AGT: variants seen among roughly 807,000 people sequenced by gnomAD.
AGT encodes the protein alpha-1 antiproteinase, antitrypsin.
Under a neutral mutation model 28.1 loss-of-function variants are expected in AGT, and 26 were observed. The observed-to-expected ratio is 0.92, with a 90% CI of 0.68 to 1.28. The LOEUF is 1.28. AGT is among the 50% of genes most tolerant of loss of function. The pLI, the probability that AGT is intolerant of heterozygous loss-of-function variation, is 0.00. For missense variants in AGT, 596 were observed against 592.3 expected (o/e 1.01, Z -0.06); for synonymous variants, 259 against 259.6 (o/e 1.00, Z 0.02).
chr1:230,728,584 T>C (rs947608603), intron 1 of AGT, among the ~76,000 whole-genome samples: 1 of 152,206 alleles, frequency 6.6e-6, no homozygotes, highest in African/African-American at 2.4e-5. Flanking sequence ...TGTTAAGATA[T>C]AACTGGCAAA....
intron 1 of AGT, among the ~76,000 whole-genome samples, chr1:230,721,289 A>G (rs1333782745): frequency 6.6e-6 from 1 of 152,218 alleles, no homozygotes; most frequent in Non-Finnish European, 1.5e-5. Flanking sequence ...CAAAACAGCC[A>G]TTTTGCAACC....
At chr1:230,719,408 T>TTTTTTTGTTTGTTTGTTTTTG (rs369627019), upstream of AGT, among the ~76,000 whole-genome samples, 65 of 93,512 alleles carry the variant, frequency 7.0e-4, no homozygotes, top group South Asian at 1.5e-3. Flanking sequence ...ATCATTATGT[T>TTTTTTTGTTTGTTTGTTTTTG]TTTTTTTTTT....
chr1:230,729,151 T>C (rs1664005329), intron 1 of AGT, among the ~76,000 whole-genome samples: 4 of 152,182 alleles, frequency 2.6e-5, no homozygotes, highest in Non-Finnish European at 4.4e-5. Flanking sequence ...TTCTCCACCA[T>C]CTGCCATGCA....
chr1:230,720,988 CA>C lies in AGT; in HGVS notation c.-30-10136del, dbSNP rs1331967819. ...ACTGGTATACAAGCCAGACCTGGCCCAGGGGGGCCGATTGGGTGAGGCACCT... is the reference window on the plus strand; with the variant it reads ...ACTGGTATACAAGCCAGACCTGGCCCGGGGGGCCGATTGGGTGAGGCACCT... On this transcript the variant is annotated intron_variant, in intron 1 of 4. Transcript: ENST00000681269. 5.9e-5 allele frequency among the ~76,000 whole-genome samples: 9 copies of C among 152,216 alleles called. No homozygotes were observed. In the East Asian group the frequency reaches 1.7e-3, roughly 29 times the overall value.
chr1:230,741,272 C>A (rs1664244911), intron 1 of AGT, among the ~76,000 whole-genome samples: 1 of 152,186 alleles, frequency 6.6e-6, no homozygotes, highest in Non-Finnish European at 1.5e-5. Flanking sequence ...GAGATTAGGC[C>A]TTGGAGGAAA....
chr1:230,716,074 C>T (rs1663729647), upstream of AGT, among the ~76,000 whole-genome samples: 1 of 152,166 alleles, frequency 6.6e-6, no homozygotes, highest in African/African-American at 2.4e-5. Context: ...TTAGATTGGA[C>T]CCAATAAAGA....
chr1:230,733,071 C>T (rs570220955), intron 1 of AGT, among the ~76,000 whole-genome samples: 9 of 151,890 alleles, frequency 5.9e-5, no homozygotes, highest in African/African-American at 1.9e-4. Context: ...CATCTGAGGT[C>T]GGGCGTTCAA....
At chr1:230,731,268 A>T (rs970547083) in intron 1 of AGT, among the ~76,000 whole-genome samples, 9 of 152,276 alleles carry the variant, frequency 5.9e-5, no homozygotes, top group African/African-American at 2.2e-4. Flanking sequence ...CTGTTTACCT[A>T]GTGCAGGGGT....
chr1:230,730,075 T>C (rs1664023818), intron 1 of AGT, among the ~76,000 whole-genome samples: 1 of 151,982 alleles, frequency 6.6e-6, no homozygotes, highest in African/African-American at 2.4e-5. Context: ...GACCTTGTGA[T>C]CCGCCCGGCT....
intron 1 of AGT, among the ~76,000 whole-genome samples, chr1:230,727,436 A>G (rs1663964259): frequency 6.6e-6 from 1 of 152,240 alleles, no homozygotes; most frequent in Admixed American, 6.5e-5. Context: ...TATCAGACTC[A>G]ACAAATATTT....
In AGT at chr1:230,710,564, T is replaced by C; in HGVS notation, c.260A>G (p.Asp87Gly). The change falls in exon 2 of 5, where the codon GAC becomes GGC. Residue 87 changes from aspartate to glycine, a missense_variant. By Grantham distance (94) the Asp-to-Gly change is moderately conservative. Coordinates refer to ENST00000366667, the MANE Select transcript of AGT (RefSeq NM_001384479.1). ...DQLVLVAAKL[D>G]TEDKLRAAMV... ...TGCGGCCCTCAACTTGTCTTCGGTGTCAAGTTTTGCAGCGACTAGCACCAG... is the reference window on the plus strand; with the variant it reads ...TGCGGCCCTCAACTTGTCTTCGGTGCCAAGTTTTGCAGCGACTAGCACCAG... 1 of 1,614,220 alleles carries C rather than the reference T, an allele frequency of 6.2e-7. No individual in the cohort carries two copies. The highest frequency in any genetic ancestry group is 8.5e-7 in the Non-Finnish European group (1 of 1,180,040).
At chr1:230,732,485 C>T (rs923718886) in intron 1 of AGT, among the ~76,000 whole-genome samples, 4 of 152,106 alleles carry the variant, frequency 2.6e-5, no homozygotes, top group Admixed American at 1.3e-4. Context: ...GGGTTAGAGG[C>T]ACTGACTTCC....
chr1:230,703,226 C>T lies in AGT; in HGVS notation c.1346G>A (p.Arg449His), dbSNP rs770652568. 10 of 1,614,170 alleles carry T rather than the reference C, an allele frequency of 6.2e-6. No individual in the cohort carries two copies. In the African/African-American group the frequency reaches 6.7e-5, roughly 11 times the overall value. ...KPEVLEVTLN[R>H]PFLFAVYDQS... Reference sequence around the variant, plus strand: ...ATCATACACAGCAAACAGGAATGGGCGGTTCAGGGTCACCTCCAAGACCTC... The same window carrying T: ...ATCATACACAGCAAACAGGAATGGGTGGTTCAGGGTCACCTCCAAGACCTC... The change falls in exon 5 of 5, where the codon CGC (arginine) becomes CAC (histidine). Residue 449 changes from arginine (R) to histidine (H), a missense_variant. Physicochemically the swap from Arg to His is conservative, Grantham distance 29 (BLOSUM62 0). Transcript: ENST00000366667.
At chr1:230,720,949 ACAAGAACT>A (rs1663832244) in intron 1 of AGT, among the ~76,000 whole-genome samples, 1 of 152,202 alleles carries the variant, frequency 6.6e-6, no homozygotes, top group Non-Finnish European at 1.5e-5. Flanking sequence ...TGGGCGTGGG[ACAAGAACT>A]CAGGAACTGG....
At chr1:230,730,129 C>T (rs534459998) in intron 1 of AGT, among the ~76,000 whole-genome samples, 208 of 152,170 alleles carry the variant, frequency 1.4e-3, no homozygotes, top group Middle Eastern at 3.4e-3. Flanking sequence ...CCTTGTTGGC[C>T]AGGCTGTTCT....
chr1:230,726,736 C>A (rs1663950534), intron 1 of AGT, among the ~76,000 whole-genome samples: 1 of 152,132 alleles, frequency 6.6e-6, no homozygotes, highest in African/African-American at 2.4e-5. Flanking sequence ...AGTCTTAATT[C>A]AAACTGGGAG....
intron 1 of AGT, among the ~76,000 whole-genome samples, chr1:230,744,611 G>A (rs936090493): frequency 2.0e-5 from 3 of 152,170 alleles, no homozygotes; most frequent in Non-Finnish European, 4.4e-5. Flanking sequence ...CTACTCTGAG[G>A]CATGTTTGTT....
At position 230,706,274 on chromosome 1, in the gene AGT, A is replaced by T. The variant is rs915157576; in HGVS notation, c.830-74T>A. The T allele has an allele frequency of 1.3e-5, 20 of 1,529,436 alleles. No homozygotes were observed. The African/African-American group carries it at 2.3e-4, about 18-fold the overall frequency. 94.7% of individuals were successfully genotyped at this position (1,529,436 alleles called of 1,614,324 possible). On this transcript the variant is annotated intron_variant, in intron 2 of 4. Transcript: ENST00000366667. The stretch of plus-strand genomic sequence containing the variant: ...GCAGGAATGAGGGCTGGCAGACACC[A>T]AAGGCCCAGATCCTGCCCCTCGCCC...
intron 1 of AGT, among the ~76,000 whole-genome samples, chr1:230,713,472 C>T (rs1182452891): frequency 2.0e-5 from 3 of 152,168 alleles, no homozygotes. Flanking sequence ...TTGGAATCTG[C>T]CTTTTAGCTT....
Sources: gnomAD v4.1 joint callset for allele counts (sites outside exome capture counted in the v4.1 genomes callset) on GRCh38, gnomAD v4.1.1 for gene constraint, MANE v1.5 for transcripts, NCBI Gene and HGNC (gene_info 2026-07-23, HGNC 2026-07-21) for gene names.